RALGAPA1: variants seen among roughly 807,000 people sequenced by gnomAD.
The protein encoded by RALGAPA1 is Ral GTPase activating protein catalytic subunit alpha 1, also known as ral GTPase-activating protein subunit alpha-1.
In RALGAPA1, 52 loss-of-function variants were observed where a neutral mutation model predicts 269.6. The observed-to-expected ratio is 0.19, with a 90% CI of 0.15 to 0.24. The LOEUF is 0.24. Among genes scored for constraint, RALGAPA1 ranks in the 10% least tolerant of loss-of-function variants. RALGAPA1 has a pLI of 1.00. For missense variants in RALGAPA1, 1,917 were observed against 3,013.9 expected, an observed-to-expected ratio of 0.64 and a Z score of 8.52; for synonymous variants, 817 against 1,008.3, an observed-to-expected ratio of 0.81 and a Z score of 3.60.
intron 21 of RALGAPA1, among the ~76,000 whole-genome samples, chr14:35,680,805 G>A (rs1266496856): frequency 6.6e-6 from 1 of 151,652 alleles, no homozygotes; most frequent in East Asian, 1.9e-4. Context: ...TAGTAGAGAC[G>A]GGGTTTCACC....
intron 1 of RALGAPA1, among the ~76,000 whole-genome samples, chr14:35,791,109 CAAG>C (rs764164843): frequency 1.3e-5 from 2 of 152,168 alleles, no homozygotes; most frequent in South Asian, 2.1e-4. Flanking sequence ...CACCCCAAAA[CAAG>C]AAGAATTTTC....
intron 31 of RALGAPA1, among the ~76,000 whole-genome samples, chr14:35,642,471 A>G (rs2139851400): frequency 6.6e-6 from 1 of 152,312 alleles, no homozygotes; most frequent in Non-Finnish European, 1.5e-5. Flanking sequence ...ATAAAAAAGG[A>G]AAACAAGTTA....
intron 37 of RALGAPA1, among the ~76,000 whole-genome samples, chr14:35,595,297 TAAAA>T (rs1017507798): frequency 2.0e-5 from 3 of 151,968 alleles, no homozygotes; most frequent in African/African-American, 4.8e-5. Context: ...CATACACACA[TAAAA>T]AAACTAGATG....
chr14:35,679,228 T>C (rs1390906084), intron 21 of RALGAPA1, among the ~76,000 whole-genome samples: 1 of 152,230 alleles, frequency 6.6e-6, no homozygotes, highest in Non-Finnish European at 1.5e-5. Flanking sequence ...TAAGCTTCTT[T>C]GTAGCAGAAA....
intron 4 of RALGAPA1, chr14:35,767,178 T>C (rs1376853064): frequency 1.1e-5 from 2 of 177,074 alleles, no homozygotes; most frequent in African/African-American, 4.8e-5. Context: ...TTATTTCCTA[T>C]GAATATTGCA....
At chr14:35,711,780 C>T (rs761306179) in intron 16 of RALGAPA1, among the ~76,000 whole-genome samples, 7 of 152,106 alleles carry the variant, frequency 4.6e-5, no homozygotes, top group Non-Finnish European at 2.9e-5. Context: ...CCACCCAAGT[C>T]CTCTTTTTAA....
At chr14:35,780,900 C>T (rs535836462) in intron 1 of RALGAPA1, among the ~76,000 whole-genome samples, 63 of 152,086 alleles carry the variant, frequency 4.1e-4, no homozygotes, top group South Asian at 1.2e-3. Flanking sequence ...ACAACCAGCC[C>T]GGGCAACTTA....
chr14:35,802,165 AGGCTCAGT>A (rs936430918), intron 1 of RALGAPA1, among the ~76,000 whole-genome samples: 24 of 152,254 alleles, frequency 1.6e-4, no homozygotes, highest in African/African-American at 5.5e-4. Flanking sequence ...AAAATCAGCC[AGGCTCAGT>A]GGTGTGTGCC....
chr14:35,677,854 A>G, intron 22 of RALGAPA1, 96 bp downstream of exon 22: 1 of 1,154,066 alleles, frequency 8.7e-7, no homozygotes, highest in Non-Finnish European at 1.2e-6. Flanking sequence ...TATTTACAAT[A>G]ATCATATATA....
Position 35,775,810 on chromosome 14 carries a change from A to T in RALGAPA1, c.107-65T>A, listed in dbSNP as rs531235626. 31 of 1,387,024 alleles carry T rather than the reference A, an allele frequency of 2.2e-5. No homozygotes were observed. The African/African-American group carries it at 4.5e-4, about 20-fold the overall frequency. The allele number at this position is 1,387,024 out of a possible 1,614,324, so 85.9% of individuals were successfully genotyped here. On this transcript the variant is annotated intron_variant, in intron 1 of 41. Transcript: ENST00000680220. ...GTTAAATCAAGTTTAGCAAATATTC[A>T]GCGACAAGTTTCCTTCAAAGTCAAA...
rs2062846939 is a variant in RALGAPA1 at position 35,651,868 on chromosome 14, T to C, written c.5613A>G (p.Leu1871=). Residue 1871 remains leucine (L), a synonymous_variant, in exon 31 of 42, where the codon CTA becomes CTG. Transcript: ENST00000680220. ...PDSPLKIIQI[L]IATITHLLPS... is the part of the protein sequence containing the mutation. Reference sequence around the variant, plus strand: ...GTAAAAGATGGGTGATGGTAGCTATTAGGATCTGTAAGCAAAAAAAAATTT... The same window carrying C: ...GTAAAAGATGGGTGATGGTAGCTATCAGGATCTGTAAGCAAAAAAAAATTT... 6.4e-7 allele frequency: 1 copy of C among 1,559,126 alleles called. No homozygotes were observed. Among genetic ancestry groups the C allele is most frequent in the Non-Finnish European group, 8.6e-7 (1 of 1,162,002 alleles).
At chr14:35,636,681 C>A (rs1354559217) in intron 31 of RALGAPA1, among the ~76,000 whole-genome samples, 1 of 152,026 alleles carries the variant, frequency 6.6e-6, no homozygotes, top group Non-Finnish European at 1.5e-5. Context: ...CCACTGTGCC[C>A]GGCTAAGTTT....
chr14:35,693,355 C>T (rs2066647710), intron 17 of RALGAPA1, among the ~76,000 whole-genome samples: 1 of 151,540 alleles, frequency 6.6e-6, no homozygotes, highest in Non-Finnish European at 1.5e-5. Context: ...AATAAAAAAA[C>T]TTTGAATTGC....
At chr14:35,778,485 C>T (rs2075208603) in intron 1 of RALGAPA1, among the ~76,000 whole-genome samples, 1 of 152,100 alleles carries the variant, frequency 6.6e-6, no homozygotes, top group African/African-American at 2.4e-5. Flanking sequence ...ATGGAAAGAA[C>T]AATGTTTCAA....
intron 19 of RALGAPA1, among the ~76,000 whole-genome samples, chr14:35,685,878 C>T (rs1163911284): frequency 1.3e-5 from 2 of 152,052 alleles, no homozygotes; most frequent in Non-Finnish European, 2.9e-5. Context: ...GGCGACAAAG[C>T]GACACTCTGT....
chr14:35,782,479 G>A (rs2075502903), intron 1 of RALGAPA1, among the ~76,000 whole-genome samples: 1 of 151,966 alleles, frequency 6.6e-6, no homozygotes, highest in Non-Finnish European at 1.5e-5. Context: ...CCAGGCAGGA[G>A]TGCAGTGGCT....
intron 36 of RALGAPA1, among the ~76,000 whole-genome samples, chr14:35,603,721 T>A (rs1186096823): frequency 6.6e-6 from 1 of 152,120 alleles, no homozygotes; most frequent in African/African-American, 2.4e-5. Context: ...TGGAGGTCAT[T>A]ATAAGACAAA....
At chr14:35,729,063 C>T (rs975949789) in intron 12 of RALGAPA1, among the ~76,000 whole-genome samples, 1 of 151,702 alleles carries the variant, frequency 6.6e-6, no homozygotes, top group Non-Finnish European at 1.5e-5. Context: ...AACTGAGAAG[C>T]TTTAATAACT....
At chr14:35,767,194 TTC>T (rs2074228116) in intron 4 of RALGAPA1, 1 of 172,036 alleles carries the variant, frequency 5.8e-6, no homozygotes, top group East Asian at 1.8e-4. Flanking sequence ...TTGCATAAAA[TTC>T]TGTTTATTCA....
Sources: allele counts gnomAD v4.1 joint callset (sites outside exome capture counted in the v4.1 genomes callset), GRCh38; gene constraint gnomAD v4.1.1; transcripts MANE v1.5; gene names NCBI Gene and HGNC (gene_info 2026-07-23, HGNC 2026-07-21).